Variants in CCSER1 observed in about 807,000 individuals in gnomAD.
CCSER1 encodes the protein coiled-coil serine rich protein 1.
Under a neutral mutation model 82.0 loss-of-function variants are expected in CCSER1, and 41 were observed. The observed-to-expected ratio is 0.50, with a 90% CI of 0.39 to 0.65. CCSER1 has a LOEUF of 0.65. Among genes scored for constraint, CCSER1 ranks in the 30% least tolerant of loss-of-function variants. The pLI is 0.00. For synonymous variants in CCSER1, 414 were observed against 383.9 expected (o/e 1.08, Z -0.92); for missense variants, 1,119 against 1,064.2 (o/e 1.05, Z -0.72).
rs545515977 is a variant in CCSER1 at position 91,341,465 on chromosome 4, G to A, written c.2217+255471G>A. Among the ~76,000 whole-genome samples, 39 of 152,232 alleles carry A rather than the reference G, an allele frequency of 2.6e-4. 1 individual carries two copies. In the East Asian group the frequency reaches 7.3e-3, roughly 29 times the overall value. ...GTAGCTTTAATGGTTTTCTGATAGA[G>A]AAAAAAATTGAATACAATTGAAAAT... On this transcript the variant is annotated intron_variant, in intron 10 of 10. Transcript: ENST00000509176.
intron 8 of CCSER1, among the ~76,000 whole-genome samples, chr4:90,886,958 T>C (rs1722214768): frequency 6.6e-6 from 1 of 152,166 alleles, no homozygotes; most frequent in Non-Finnish European, 1.5e-5. Context: ...TGAAACTACT[T>C]AGAAGAAGAC....
In CCSER1 at chr4:90,895,194, G is replaced by T. The variant is rs150217358; in HGVS notation, c.2095-28176G>T. Reference sequence around the variant, plus strand: ...GGCTGTATTCTTTCTTTTGCATTAGGACACCAGCCAAAAACCATATGGCAC... The same window carrying T: ...GGCTGTATTCTTTCTTTTGCATTAGTACACCAGCCAAAAACCATATGGCAC... On this transcript the variant is annotated intron_variant, in intron 8 of 10. Coordinates refer to ENST00000509176, the MANE Select transcript of CCSER1 (RefSeq NM_001145065.2). Among the ~76,000 whole-genome samples, 8 of 151,750 alleles carry T rather than the reference G, an allele frequency of 5.3e-5. No individual in the cohort carries two copies. In the East Asian group the frequency reaches 1.4e-3, roughly 26 times the overall value.
chr4:90,459,823 A>C (rs186396018), intron 4 of CCSER1, among the ~76,000 whole-genome samples: 31 of 152,316 alleles, frequency 2.0e-4, no homozygotes, highest in Admixed American at 8.5e-4. Flanking sequence ...ACATTCAAGA[A>C]CACCATTGGC....
intron 7 of CCSER1, among the ~76,000 whole-genome samples, chr4:90,735,203 T>C (rs571737866): frequency 7.2e-5 from 11 of 152,314 alleles, no homozygotes; most frequent in Admixed American, 6.5e-4. Flanking sequence ...ATCTTTTTAA[T>C]GGGTTGTTGA....
chr4:90,281,137 C>A (rs1267783442), intron 1 of CCSER1, among the ~76,000 whole-genome samples: 4 of 151,970 alleles, frequency 2.6e-5, no homozygotes, highest in Non-Finnish European at 5.9e-5. Context: ...AGATAATGTC[C>A]TTTGCAGCAA....
intron 5 of CCSER1, among the ~76,000 whole-genome samples, chr4:90,590,145 A>C (rs188127867): frequency 7.2e-5 from 11 of 152,212 alleles, no homozygotes; most frequent in Admixed American, 5.9e-4. Flanking sequence ...ATGGTGGCAC[A>C]TGCCTGTAGT....
At chr4:90,327,473 G>T (rs1333699130) in intron 3 of CCSER1, among the ~76,000 whole-genome samples, 1 of 152,070 alleles carries the variant, frequency 6.6e-6, no homozygotes, top group Non-Finnish European at 1.5e-5. Context: ...CATCTTTGAA[G>T]AAACAAATAA....
chr4:90,267,961 A>G (rs534495240), intron 1 of CCSER1, among the ~76,000 whole-genome samples: 3 of 152,330 alleles, frequency 2.0e-5, no homozygotes, highest in East Asian at 1.9e-4. Context: ...GACGCTTCCA[A>G]GGAAACCTTA....
At chr4:91,041,121 G>A (rs1258559470) in intron 9 of CCSER1, among the ~76,000 whole-genome samples, 1 of 152,142 alleles carries the variant, frequency 6.6e-6, no homozygotes, top group African/African-American at 2.4e-5. Context: ...TGTAGTATCA[G>A]GTGGACTAGG....
At chr4:91,216,109 G>A (rs1171181561) in intron 10 of CCSER1, among the ~76,000 whole-genome samples, 2 of 151,996 alleles carry the variant, frequency 1.3e-5, no homozygotes, top group Admixed American at 1.3e-4. Flanking sequence ...TTTTCTGCTT[G>A]AATATTTCAA....
chr4:90,669,672 AG>A (rs559894315), intron 6 of CCSER1, among the ~76,000 whole-genome samples: 96 of 152,226 alleles, frequency 6.3e-4, no homozygotes, highest in African/African-American at 2.2e-3. Flanking sequence ...CGTTGACTAA[AG>A]GTTGGTGTGA....
rs114078342 is a variant in CCSER1, at chr4:90,268,148, T to C, written c.-41-40096T>C. Among the ~76,000 whole-genome samples the C allele has an allele frequency of 2.1e-3, 326 of 152,288 alleles. 2 individuals are homozygous for C. Among genetic ancestry groups the C allele is most frequent in the African/African-American group, 7.3e-3 (304 of 41,568 alleles). On this transcript the variant is annotated intron_variant, in intron 1 of 10. Transcript: ENST00000509176. ...ACCAGATCTGTTGTACAAGAAATGC[T>C]AAAGGGAGTTCTTCAGTCTGAAAGA... is the stretch of plus-strand genomic sequence containing the variant.
intron 10 of CCSER1, among the ~76,000 whole-genome samples, chr4:91,387,751 A>G (rs933614415): frequency 1.6e-4 from 25 of 152,172 alleles, no homozygotes; most frequent in African/African-American, 5.5e-4. Flanking sequence ...AAGACAGATA[A>G]GAGAGATAAG....
At chr4:91,313,217 A>C (rs1282757973) in intron 10 of CCSER1, among the ~76,000 whole-genome samples, 1 of 151,802 alleles carries the variant, frequency 6.6e-6, no homozygotes, top group Non-Finnish European at 1.5e-5. Flanking sequence ...AATTCAATTA[A>C]TATTTTTATA....
intron 7 of CCSER1, among the ~76,000 whole-genome samples, chr4:90,750,338 C>T (rs968869700): frequency 2.0e-5 from 3 of 152,110 alleles, no homozygotes; most frequent in Admixed American, 1.3e-4. Flanking sequence ...AACTCCTAGT[C>T]TGCTAGGGAC....
intron 3 of CCSER1, among the ~76,000 whole-genome samples, chr4:90,317,852 C>G (rs191673810): frequency 7.2e-5 from 11 of 152,218 alleles, no homozygotes; most frequent in Admixed American, 2.0e-4. Flanking sequence ...TAATAAAATA[C>G]TTTGAATTGT....
intron 8 of CCSER1, among the ~76,000 whole-genome samples, chr4:90,834,498 T>C (rs1238690177): frequency 6.6e-6 from 1 of 152,200 alleles, no homozygotes; most frequent in Non-Finnish European, 1.5e-5. Context: ...AATTCTATTC[T>C]AAGAGTAGTA....
At position 91,162,490 on chromosome 4, in the gene CCSER1, T is replaced by G. The variant is rs145855151; in HGVS notation, c.2217+76496T>G. Among the ~76,000 whole-genome samples, 1,428 of 152,172 alleles carry G rather than the reference T, an allele frequency of 9.4e-3. 9 individuals are homozygous for G. The highest frequency in any genetic ancestry group is 0.023 in the African/African-American group (937 of 41,528). ...TCCTCTTTTTCTATTGATTGGAATATTTTCAGAAGGAATGGTACCAGCTCC... is the reference window on the plus strand; with the variant it reads ...TCCTCTTTTTCTATTGATTGGAATAGTTTCAGAAGGAATGGTACCAGCTCC... On this transcript the variant is annotated intron_variant, in intron 10 of 10. Coordinates refer to ENST00000509176, the MANE Select transcript of CCSER1 (RefSeq NM_001145065.2).
chr4:90,537,397 A>G lies in CCSER1; in HGVS notation c.1724+69043A>G, dbSNP rs189428180. ...TGAATTTTCATTCGAGTTTTTTCTC[A>G]TTTGGACATTTTATAATGTATTCTT... On this transcript the variant is annotated intron_variant, in intron 5 of 10. Coordinates refer to ENST00000509176, the MANE Select transcript of CCSER1 (RefSeq NM_001145065.2). Among the ~76,000 whole-genome samples, 16 of 151,232 alleles carry G rather than the reference A, an allele frequency of 1.1e-4. No individual in the cohort carries two copies. In the East Asian group the frequency reaches 3.1e-3, roughly 29 times the overall value.
Sources: gnomAD v4.1 joint callset for allele counts (sites outside exome capture counted in the v4.1 genomes callset) on GRCh38, gnomAD v4.1.1 for gene constraint, MANE v1.5 for transcripts, NCBI Gene and HGNC (gene_info 2026-07-23, HGNC 2026-07-21) for gene names.